TIAM1: variants seen among roughly 807,000 people sequenced by gnomAD.
The protein encoded by TIAM1 is rho guanine nucleotide exchange factor TIAM1.
A neutral mutation model predicts 163.5 loss-of-function variants in TIAM1; 65 were observed. The observed-to-expected ratio is 0.40, with a 90% CI of 0.33 to 0.49. The LOEUF (loss-of-function observed/expected upper bound fraction) is 0.49, where lower values mean the gene tolerates loss of function less well. Ranked by LOEUF, TIAM1 falls within the 20% of genes least tolerant of loss-of-function variation. The probability of loss-of-function intolerance (pLI) is 0.77; values close to 1 mark genes in which losing one functional copy is unlikely to be tolerated. For synonymous variants in TIAM1, 833 were observed against 810.1 expected (o/e 1.03, Z -0.48); for missense variants, 1,789 against 2,044.7 (o/e 0.87, Z 2.41).
chr21:31,548,194 C>G lies in TIAM1; in HGVS notation c.-422+10733G>C, dbSNP rs954314747. Among the ~76,000 whole-genome samples the G allele has an allele frequency of 2.4e-5, 3 of 124,740 alleles. No individual in the cohort carries two copies. In the Admixed American group the frequency reaches 3.1e-4, roughly 13 times the overall value. The allele number at this position is 124,740 out of a possible 152,430, so 81.8% of individuals were successfully genotyped here. A position where few individuals can be genotyped will look rare whatever the true frequency, so the allele number is the denominator to read the frequency against. Reference sequence around the variant, plus strand: ...CCGCTGTGTCACCCAGGCTGGAGTACAGTGGCGAGATCTCAGCTCACTGCA... The same window carrying G: ...CCGCTGTGTCACCCAGGCTGGAGTAGAGTGGCGAGATCTCAGCTCACTGCA... On this transcript the variant is annotated intron_variant, in intron 1 of 28. Coordinates refer to the TIAM1 transcript ENST00000286827.
At chr21:31,260,408 T>C (rs1313534647) in intron 4 of TIAM1, among the ~76,000 whole-genome samples, 1 of 151,526 alleles carries the variant, frequency 6.6e-6, no homozygotes, top group Non-Finnish European at 1.5e-5. Flanking sequence ...TGGCTAATTT[T>C]TGTATTTTTA....
intron 11 of TIAM1, among the ~76,000 whole-genome samples, chr21:31,207,497 G>GA (rs907027251): frequency 2.0e-5 from 3 of 150,468 alleles, no homozygotes; most frequent in African/African-American, 4.9e-5. Context: ...TTTCAATGAG[G>GA]AAAAAAAAAC....
At chr21:31,419,926 G>A (rs758835423) in intron 2 of TIAM1, among the ~76,000 whole-genome samples, 1 of 152,132 alleles carries the variant, frequency 6.6e-6, no homozygotes, top group Non-Finnish European at 1.5e-5. Flanking sequence ...TGGCGCGTCT[G>A]TGGTCCCAGC....
chr21:31,430,247 T>TACACACACAC (rs1202910634), intron 2 of TIAM1, among the ~76,000 whole-genome samples: 2 of 106,938 alleles, frequency 1.9e-5, no homozygotes, highest in African/African-American at 3.7e-5. Context: ...TATATATATA[T>TACACACACAC]ACACACACAC....
At chr21:31,217,466 C>CT in intron 9 of TIAM1, 87 bp downstream of exon 9, 1 of 1,527,768 alleles carries the variant, frequency 6.5e-7, no homozygotes, top group South Asian at 1.3e-5. Context: ...AACACTCGGC[C>CT]TCACTGAAGA....
At chr21:31,448,399 G>T (rs926051523) in intron 2 of TIAM1, among the ~76,000 whole-genome samples, 1 of 152,128 alleles carries the variant, frequency 6.6e-6, no homozygotes, top group Non-Finnish European at 1.5e-5. Flanking sequence ...GAGGCCAGGA[G>T]TTCGAGACCA....
At chr21:31,409,800 A>T (rs904243272) in intron 2 of TIAM1, among the ~76,000 whole-genome samples, 47 of 152,166 alleles carry the variant, frequency 3.1e-4, no homozygotes, top group African/African-American at 1.1e-3. Context: ...GGCAGGGGAC[A>T]GCTGGCTTTT....
intron 1 of TIAM1, among the ~76,000 whole-genome samples, chr21:31,498,595 A>G (rs1242606168): frequency 6.6e-6 from 1 of 152,170 alleles, no homozygotes; most frequent in African/African-American, 2.4e-5. Flanking sequence ...AATGTGATTG[A>G]TATTTGTATT....
intron 1 of TIAM1, among the ~76,000 whole-genome samples, chr21:31,489,578 C>A (rs1259474473): frequency 6.6e-6 from 1 of 151,134 alleles, no homozygotes; most frequent in Non-Finnish European, 1.5e-5. Context: ...CAGACCCCCC[C>A]CCCCTTGGCA....
At chr21:31,444,294 C>A (rs1184371570) in intron 2 of TIAM1, among the ~76,000 whole-genome samples, 4 of 151,708 alleles carry the variant, frequency 2.6e-5, no homozygotes, top group African/African-American at 9.7e-5. Context: ...CAGCCTGCAA[C>A]CACACAAGAA....
At position 31,182,963 on chromosome 21, in the gene TIAM1, C is replaced by T. The variant is rs142247982; in HGVS notation, c.2663-318G>A. ...CTAATTAATTCCGGTTATCTTCCTA[C>T]ACTTTTGGGGCGGGGCGAGCGGGGA... On this transcript the variant is annotated intron_variant, in intron 14 of 27. Transcript: ENST00000541036. Among the ~76,000 whole-genome samples the T allele has an allele frequency of 3.3e-5, 5 of 152,282 alleles. No individual in the cohort carries two copies. The East Asian group carries it at 5.8e-4, about 18-fold the overall frequency.
At chr21:31,136,406 C>G (rs2082622859) in intron 22 of TIAM1, among the ~76,000 whole-genome samples, 1 of 152,070 alleles carries the variant, frequency 6.6e-6, no homozygotes, top group African/African-American at 2.4e-5. Context: ...GATACAATAT[C>G]CAGTTAACCT....
At chr21:31,452,851 A>G (rs1386572133) in intron 2 of TIAM1, 3 of 524,826 alleles carry the variant, frequency 5.7e-6, no homozygotes, top group African/African-American at 1.9e-5. Flanking sequence ...GTCAAAGACT[A>G]TCAAGACCTG....
At chr21:31,528,047 T>A (rs2047843498) in intron 1 of TIAM1, among the ~76,000 whole-genome samples, 1 of 152,210 alleles carries the variant, frequency 6.6e-6, no homozygotes, top group South Asian at 2.1e-4. Context: ...ATTCTAGGCT[T>A]TCCAGCGTAC....
intron 15 of TIAM1, among the ~76,000 whole-genome samples, chr21:31,180,463 T>C (rs1215472423): frequency 1.3e-5 from 2 of 151,592 alleles, no homozygotes; most frequent in East Asian, 1.9e-4. Flanking sequence ...AATAAAACTT[T>C]ATTTACAAAA....
rs34052300 is a variant in TIAM1, at chr21:31,336,488, CTTTTT to C, written c.-189+2750_-189+2754del. On this transcript the variant is annotated intron_variant, in intron 2 of 27. Transcript: ENST00000541036. Reference sequence around the variant, plus strand: ...TAACAATTTTTAGAATTGCCCCTTGCTTTTTTTTTTTTTTTTTTTTTAGTTTTGCT... The same window carrying C: ...TAACAATTTTTAGAATTGCCCCTTGCTTTTTTTTTTTTTTTTAGTTTTGCT... 3.0e-3 allele frequency among the ~76,000 whole-genome samples: 372 copies of C among 125,436 alleles called. 2 individuals carry two copies. Among genetic ancestry groups the C allele is most frequent in the African/African-American group, 0.01 (363 of 34,810 alleles). 82.3% of individuals were successfully genotyped at this position (125,436 alleles called of 152,430 possible).
chr21:31,239,149 G>C (rs1435025513), intron 6 of TIAM1, among the ~76,000 whole-genome samples: 2 of 151,304 alleles, frequency 1.3e-5, no homozygotes, highest in Admixed American at 6.6e-5. Context: ...TTAAGATAGG[G>C]TCTCGCTCTG....
chr21:31,230,289 A>G (rs1348458177), intron 6 of TIAM1, among the ~76,000 whole-genome samples: 1 of 152,160 alleles, frequency 6.6e-6, no homozygotes, highest in Admixed American at 6.5e-5. Flanking sequence ...AAATAAAAAT[A>G]TTTATCCAGA....
intron 16 of TIAM1, among the ~76,000 whole-genome samples, chr21:31,159,277 G>A (rs2083780287): frequency 6.6e-6 from 1 of 152,074 alleles, no homozygotes; most frequent in Non-Finnish European, 1.5e-5. Flanking sequence ...ACTTTACTGA[G>A]ACCAGCGTGA....
Sources: allele counts gnomAD v4.1 joint callset (sites outside exome capture counted in the v4.1 genomes callset), GRCh38; gene constraint gnomAD v4.1.1; transcripts MANE v1.5; gene names NCBI Gene and HGNC (gene_info 2026-07-23, HGNC 2026-07-21).